CA10: variants seen among roughly 807,000 people sequenced by gnomAD.
CA10 encodes the protein carbonic anhydrase 10 (inactive).
A neutral mutation model predicts 44.2 loss-of-function variants in CA10; 14 were observed. That is an observed-to-expected ratio of 0.32 (90% CI 0.21 to 0.50). CA10 has a LOEUF of 0.50. Among genes scored for constraint, CA10 ranks in the 20% least tolerant of loss-of-function variants. The pLI is 0.99. For missense variants in CA10, 350 were observed against 409.7 expected, an observed-to-expected ratio of 0.85 and a Z score of 1.26; for synonymous variants, 159 against 141.6, an observed-to-expected ratio of 1.12 and a Z score of -0.87.
At chr17:51,880,961 G>A (rs1336521523) in intron 3 of CA10, among the ~76,000 whole-genome samples, 1 of 56 alleles carries the variant, frequency 0.018, no homozygotes, top group East Asian at 0.12. Context: ...TATCGGCCGG[G>A]CGCGGGTGGC....
chr17:51,705,437 G>A (rs1440496544), intron 4 of CA10, among the ~76,000 whole-genome samples: 1 of 152,168 alleles, frequency 6.6e-6, no homozygotes, highest in African/African-American at 2.4e-5. Context: ...CTTGGGAGAA[G>A]GAACTGGGTC....
rs148499223 is a variant in CA10, at chr17:51,882,836, T to A, written c.279+48154A>T. Reference sequence around the variant, plus strand: ...GAGCCTACAAAGAGGTCCAGGAAGGTTTTCTTTTTAAAATGTCAGAAGTTG... The same window carrying A: ...GAGCCTACAAAGAGGTCCAGGAAGGATTTCTTTTTAAAATGTCAGAAGTTG... On this transcript the variant is annotated intron_variant, in intron 3 of 8. Coordinates refer to ENST00000451037, the MANE Select transcript of CA10 (RefSeq NM_020178.5). Among the ~76,000 whole-genome samples, 1,286 of 152,290 alleles carry A rather than the reference T, an allele frequency of 8.4e-3. 21 individuals are homozygous for A. The highest frequency in any genetic ancestry group is 0.037 in the Middle Eastern group (11 of 294).
intron 3 of CA10, among the ~76,000 whole-genome samples, chr17:51,790,108 G>A (rs866821761): frequency 6.6e-6 from 1 of 152,162 alleles, no homozygotes. Flanking sequence ...TCAGATGCTT[G>A]GACTAACCAA....
chr17:51,751,491 AC>A (rs1904888589), intron 3 of CA10, among the ~76,000 whole-genome samples: 1 of 152,214 alleles, frequency 6.6e-6, no homozygotes, highest in African/African-American at 2.4e-5. Context: ...GTGATAATTA[AC>A]TAATATATGT....
chr17:52,059,021 C>A (rs951518862), intron 2 of CA10, among the ~76,000 whole-genome samples: 1 of 151,732 alleles, frequency 6.6e-6, no homozygotes. Context: ...AAAGAAATAA[C>A]AAAGTATTTC....
intron 6 of CA10, among the ~76,000 whole-genome samples, chr17:51,638,330 T>G (rs1282173526): frequency 6.6e-6 from 1 of 152,210 alleles, no homozygotes; most frequent in Non-Finnish European, 1.5e-5. Context: ...GGAAGATAGC[T>G]TCACCAAGCT....
chr17:51,981,596 T>C (rs538829813), intron 2 of CA10, among the ~76,000 whole-genome samples: 242 of 152,140 alleles, frequency 1.6e-3, no homozygotes, highest in Non-Finnish European at 2.7e-3. Context: ...GTGTATTACA[T>C]AGACATTTAC....
rs146885257 is a variant in CA10 at position 52,152,868 on chromosome 17, T to C, written c.61+4858A>G. Reference sequence around the variant, plus strand: ...GCAAATATAATTTTTATTTTACAGATGAGGATTGAGATTCTGAGAGGTAAA... The same window carrying C: ...GCAAATATAATTTTTATTTTACAGACGAGGATTGAGATTCTGAGAGGTAAA... On this transcript the variant is annotated intron_variant, in intron 1 of 8. Transcript: ENST00000451037. 6.9e-3 allele frequency among the ~76,000 whole-genome samples: 1,052 copies of C among 152,226 alleles called. 7 individuals are homozygous for C. The highest frequency in any genetic ancestry group is 0.011 in the Non-Finnish European group (726 of 67,954).
At chr17:52,134,648 G>A (rs1010874813) in intron 1 of CA10, among the ~76,000 whole-genome samples, 1 of 152,018 alleles carries the variant, frequency 6.6e-6, no homozygotes, top group East Asian at 1.9e-4. Flanking sequence ...ATACTCTCTG[G>A]GAGAAAGAAT....
intron 3 of CA10, among the ~76,000 whole-genome samples, chr17:51,792,182 A>G (rs573494281): frequency 1.4e-4 from 22 of 152,352 alleles, no homozygotes; most frequent in African/African-American, 5.3e-4. Context: ...CCAAAGAGAA[A>G]ACAGGCATAC....
intron 8 of CA10, among the ~76,000 whole-genome samples, 153 bp downstream of exon 8, chr17:51,633,323 C>A (rs1912671822): frequency 1.3e-5 from 2 of 152,270 alleles, no homozygotes. Flanking sequence ...AAACTTTAGA[C>A]CTTCATCACC....
At chr17:52,075,108 C>T (rs990317422) in intron 1 of CA10, among the ~76,000 whole-genome samples, 5 of 151,964 alleles carry the variant, frequency 3.3e-5, no homozygotes, top group South Asian at 2.1e-4. Flanking sequence ...TTGTTGAGTG[C>T]TAATTTACAT....
At position 52,158,030 on chromosome 17, in the gene CA10, C is replaced by T. The variant is rs1163815606; in HGVS notation, c.-244G>A. ...CAGATGTGCTGACACATGTCCGATGCCTCGCTGCCTTGGAGGTCTCCCCGC... is the reference window on the plus strand; with the variant it reads ...CAGATGTGCTGACACATGTCCGATGTCTCGCTGCCTTGGAGGTCTCCCCGC... On this transcript the variant is annotated 5_prime_UTR_variant, in exon 1 of 9. Transcript: ENST00000451037. 5.3e-6 allele frequency: 3 copies of T among 568,010 alleles called. No individual in the cohort carries two copies. The highest frequency in any genetic ancestry group is 6.1e-5 in the Admixed American group (2 of 32,998). The allele number at this position is 568,010 out of a possible 1,614,324, so 35.2% of individuals were successfully genotyped here. A position where few individuals can be genotyped will look rare whatever the true frequency, so the allele number is the denominator to read the frequency against.
At chr17:51,929,919 C>T (rs996718589) in intron 3 of CA10, among the ~76,000 whole-genome samples, 4 of 152,126 alleles carry the variant, frequency 2.6e-5, no homozygotes, top group African/African-American at 4.8e-5. Flanking sequence ...TAAATGGTGT[C>T]GACCACATGC....
At chr17:51,671,525 C>A (rs1914423174) in intron 4 of CA10, among the ~76,000 whole-genome samples, 1 of 152,200 alleles carries the variant, frequency 6.6e-6, no homozygotes, top group Admixed American at 6.5e-5. Flanking sequence ...CTGCCTCAGC[C>A]TCCTGAGTAG....
chr17:51,930,260 T>C (rs556091861), intron 3 of CA10, among the ~76,000 whole-genome samples: 1 of 152,272 alleles, frequency 6.6e-6, no homozygotes, highest in East Asian at 1.9e-4. Context: ...TGAACACAAT[T>C]TTCTGCATGT....
chr17:52,005,339 T>C (rs1985562301), intron 2 of CA10, among the ~76,000 whole-genome samples: 1 of 151,964 alleles, frequency 6.6e-6, no homozygotes, highest in Non-Finnish European at 1.5e-5. Flanking sequence ...AAAGAAACTT[T>C]TAATCTCCAT....
chr17:51,893,280 C>A (rs769259470), intron 3 of CA10, among the ~76,000 whole-genome samples: 1 of 152,084 alleles, frequency 6.6e-6, no homozygotes, highest in Non-Finnish European at 1.5e-5. Flanking sequence ...GAAAAATCCA[C>A]GCTCTAAGTC....
chr17:51,708,155 T>A lies in CA10; in HGVS notation c.465+39478A>T, dbSNP rs140657300. The stretch of plus-strand genomic sequence containing the variant: ...ATTGAAGACCAGTGTATTATTTAAA[T>A]GCTTCTCTCAGGAGCTTCGAAAGGA... On this transcript the variant is annotated intron_variant, in intron 4 of 8. Coordinates refer to ENST00000451037, the MANE Select transcript of CA10 (RefSeq NM_020178.5). 6.6e-4 allele frequency among the ~76,000 whole-genome samples: 101 copies of A among 152,310 alleles called. 2 individuals are homozygous for A. Among genetic ancestry groups the A allele is most frequent in the Admixed American group, 1.4e-3 (22 of 15,302 alleles).
Sources: allele counts gnomAD v4.1 joint callset (sites outside exome capture counted in the v4.1 genomes callset), GRCh38; gene constraint gnomAD v4.1.1; transcripts MANE v1.5; gene names NCBI Gene and HGNC (gene_info 2026-07-23, HGNC 2026-07-21).